RP1: variants seen among roughly 807,000 people sequenced by gnomAD.
RP1 encodes the protein oxygen-regulated protein 1.
In RP1, 16 loss-of-function variants were observed where a neutral mutation model predicts 14.8. The observed-to-expected ratio is 1.08, with a 90% CI of 0.73 to 1.65. RP1 has a LOEUF of 1.65. RP1 is among the 40% of genes most tolerant of loss of function. The probability of loss-of-function intolerance (pLI) is 0.00; values close to 1 mark genes in which losing one functional copy is unlikely to be tolerated. For missense variants in RP1, 2,631 were observed against 2,535.0 expected (o/e 1.04, Z -0.81); for synonymous variants, 876 against 883.6 (o/e 0.99, Z 0.15).
chr8:54,693,364 G>A (rs141689978), intron 12 of RP1, among the ~76,000 whole-genome samples: 100 of 152,240 alleles, frequency 6.6e-4, no homozygotes, highest in East Asian at 2.5e-3. Context: ...GAAAGTCATT[G>A]GTAGCTTGAT....
intron 21 of RP1, among the ~76,000 whole-genome samples, chr8:54,756,172 T>A (rs1809500353): frequency 6.6e-6 from 1 of 152,234 alleles, no homozygotes; most frequent in African/African-American, 2.4e-5. Context: ...CTTTAATCTA[T>A]AAAACATTTT....
At chr8:54,769,556 A>G (rs7010427) in intron 22 of RP1, among the ~76,000 whole-genome samples, 3,742 of 152,278 alleles carry the variant, frequency 0.025, 163 homozygotes, top group African/African-American at 0.084. Context: ...TACCATTCTT[A>G]GTGCTATGAT....
exon 10 of RP1, chr8:54,679,475 G>T (rs2129335124): frequency 2.0e-6 from 3 of 1,535,922 alleles, no homozygotes; most frequent in Non-Finnish European, 2.6e-6. Context: ...GTATGCCAGG[G>T]ATAACAGTAT....
intron 25 of RP1, among the ~76,000 whole-genome samples, chr8:54,840,608 G>A (rs1402970725): frequency 7.6e-6 from 1 of 130,798 alleles, no homozygotes; most frequent in African/African-American, 2.9e-5. Context: ...AAAAAAAAAT[G>A]TGGAAGGCAG....
chr8:54,585,617 G>A (rs1012220256), intron 1 of RP1, among the ~76,000 whole-genome samples: 6 of 152,178 alleles, frequency 3.9e-5, no homozygotes, highest in South Asian at 2.1e-4. Flanking sequence ...CGTTATCCCC[G>A]TCACTTTCGG....
chr8:54,833,408 G>A (rs2129401776), intron 24 of RP1, among the ~76,000 whole-genome samples: 1 of 152,030 alleles, frequency 6.6e-6, no homozygotes, highest in African/African-American at 2.4e-5. Flanking sequence ...GCGCCCTCAA[G>A]CAGAATTTAT....
intron 19 of RP1, among the ~76,000 whole-genome samples, chr8:54,743,322 T>C (rs1809145485): frequency 6.6e-6 from 1 of 152,208 alleles, no homozygotes; most frequent in Non-Finnish European, 1.5e-5. Flanking sequence ...GCTATGTAAA[T>C]ATCGTATTCA....
At chr8:54,652,899 C>A in intron 5 of RP1, 10 of 1,435,080 alleles carry the variant, frequency 7.0e-6, no homozygotes, top group Non-Finnish European at 9.5e-6. Context: ...CCATTCTTTG[C>A]AAAATCCTCT....
At chr8:54,661,167 T>C (rs1806882913) in intron 6 of RP1, among the ~76,000 whole-genome samples, 1 of 147,482 alleles carries the variant, frequency 6.8e-6, no homozygotes, top group South Asian at 2.1e-4. Context: ...TTATATATTA[T>C]GAATATGTAA....
chr8:54,629,040 G>GAACC lies in RP1; in HGVS notation c.5159_5162dup (p.Gly1722ThrfsTer7). The GAACC allele has an allele frequency of 6.2e-7, 1 of 1,614,058 alleles. No individual in the cohort carries two copies. The highest frequency in any genetic ancestry group is 1.1e-5 in the South Asian group (1 of 91,072). ...CAATTATTGTAGGGGTGACATTGTA[G>GAACC]AACCTGGTACAAAACAAAATGATGA... On this transcript the variant is annotated frameshift_variant, in exon 4 of 4. Coordinates refer to ENST00000220676, the MANE Select transcript of RP1 (RefSeq NM_006269.2). LOFTEE classifies it low-confidence loss of function (END_TRUNC).
chr8:54,686,557 C>A (rs143114317), intron 12 of RP1, among the ~76,000 whole-genome samples: 3 of 152,200 alleles, frequency 2.0e-5, no homozygotes, highest in Non-Finnish European at 4.4e-5. Flanking sequence ...ATGAGAAGTT[C>A]TTTGAAATGG....
chr8:54,743,797 C>A (rs559760656), intron 19 of RP1, among the ~76,000 whole-genome samples: 1 of 152,228 alleles, frequency 6.6e-6, no homozygotes, highest in South Asian at 2.1e-4. Context: ...CCAGTATTTA[C>A]GTGAGCAATT....
chr8:54,597,363 C>T (rs1463238104), intron 1 of RP1, among the ~76,000 whole-genome samples: 1 of 151,970 alleles, frequency 6.6e-6, no homozygotes. Flanking sequence ...TATAAGTAAT[C>T]AAGACATTTT....
At chr8:54,705,107 G>A (rs192901926) in intron 14 of RP1, among the ~76,000 whole-genome samples, 41 of 152,010 alleles carry the variant, frequency 2.7e-4, no homozygotes, top group African/African-American at 9.6e-4. Flanking sequence ...TAAAGTTAGG[G>A]GGAACAGTCT....
intron 19 of RP1, among the ~76,000 whole-genome samples, chr8:54,742,124 T>C (rs1421100385): frequency 6.6e-6 from 1 of 152,146 alleles, no homozygotes; most frequent in Non-Finnish European, 1.5e-5. Flanking sequence ...TAGATGGTAA[T>C]TAAACACTTA....
chr8:54,561,807 G>A (rs1804291633), intron 1 of RP1: 2 of 152,142 alleles, frequency 1.3e-5, no homozygotes, highest in South Asian at 2.1e-4. Context: ...TTCTATACAT[G>A]ATTGGTGAAT....
At chr8:54,720,088 G>T in intron 15 of RP1, 1 of 1,382,638 alleles carries the variant, frequency 7.2e-7, no homozygotes. Context: ...TGTCTTTTAG[G>T]ACTTGCTCAC....
At chr8:54,581,274 C>T (rs545877559) in intron 1 of RP1, among the ~76,000 whole-genome samples, 8 of 151,922 alleles carry the variant, frequency 5.3e-5, no homozygotes, top group South Asian at 4.2e-4. Flanking sequence ...TCTGCCCTTG[C>T]GATAGTTTGC....
chr8:54,638,035 C>G (rs1343924891), intron 3 of RP1, among the ~76,000 whole-genome samples: 1 of 152,192 alleles, frequency 6.6e-6, no homozygotes, highest in Non-Finnish European at 1.5e-5. Flanking sequence ...TCATCCTGAG[C>G]TATCCCTCAG....
Sources: allele counts gnomAD v4.1 joint callset (sites outside exome capture counted in the v4.1 genomes callset), GRCh38; gene constraint gnomAD v4.1.1; transcripts MANE v1.5; gene names NCBI Gene and HGNC (gene_info 2026-07-23, HGNC 2026-07-21).